USP33: variants seen among roughly 807,000 people sequenced by gnomAD.
USP33 encodes ubiquitin carboxyl-terminal hydrolase 33.
In USP33, 46 loss-of-function variants were observed where a neutral mutation model predicts 124.2. The ratio of observed to expected loss-of-function variants is 0.37; its 90% CI spans 0.29 to 0.47. The LOEUF (loss-of-function observed/expected upper bound fraction) is 0.47, where lower values mean the gene tolerates loss of function less well. Ranked by LOEUF, USP33 falls within the 20% of genes least tolerant of loss-of-function variation. USP33 has a pLI of 0.99. For missense variants in USP33, 851 were observed against 1,070.6 expected, an observed-to-expected ratio of 0.79 and a Z score of 2.86; for synonymous variants, 350 against 352.3, an observed-to-expected ratio of 0.99 and a Z score of 0.07.
chr1:77,739,439 G>A, intron 4 of USP33, 22 bp from the exon 5 acceptor site: 3 of 1,539,792 alleles, frequency 1.9e-6, no homozygotes, highest in Admixed American at 2.1e-5. Flanking sequence ...CACAGTAGAG[G>A]GAAAAGAGGA....
intron 21 of USP33, among the ~76,000 whole-genome samples, chr1:77,711,223 A>C (rs924151023): frequency 6.6e-6 from 1 of 152,008 alleles, no homozygotes; most frequent in Non-Finnish European, 1.5e-5. Context: ...TTGTCAATCC[A>C]TAAAAGCAAA....
At chr1:77,735,249 A>C (rs1002011944) in intron 6 of USP33, among the ~76,000 whole-genome samples, 7 of 152,230 alleles carry the variant, frequency 4.6e-5, no homozygotes, top group Non-Finnish European at 8.8e-5. Context: ...AATGACTGTT[A>C]TCTCTTCCAT....
At position 77,736,064 on chromosome 1, in the gene USP33, C is replaced by CTA; in HGVS notation, c.444_445dup (p.Arg149IlefsTer9). ...ACACAGGATTAATTTACCTCTGGCC[C>CTA]TAAGTTCATCTTCTTCATCCGCTTC... On this transcript the variant is annotated frameshift_variant, in exon 6 of 24. Transcript: ENST00000370794. LOFTEE classifies it high-confidence loss of function. The CTA allele has an allele frequency of 6.2e-7, 1 of 1,608,814 alleles. No individual in the cohort carries two copies. Among genetic ancestry groups the CTA allele is most frequent in the Non-Finnish European group, 8.5e-7 (1 of 1,177,310 alleles).
chr1:77,725,441 A>C (rs545594342), intron 11 of USP33, among the ~76,000 whole-genome samples, 181 bp downstream of exon 11: 1 of 152,338 alleles, frequency 6.6e-6, no homozygotes, highest in Admixed American at 6.5e-5. Context: ...ACTGTATGTA[A>C]AATTTTAAAA....
chr1:77,716,701 A>G (rs1293633170), intron 17 of USP33, among the ~76,000 whole-genome samples: 1 of 152,122 alleles, frequency 6.6e-6, no homozygotes, highest in Non-Finnish European at 1.5e-5. Flanking sequence ...TTTCTAATCT[A>G]ATTTACTTAA....
chr1:77,704,013 G>A (rs970959911), intron 21 of USP33, among the ~76,000 whole-genome samples: 1 of 152,056 alleles, frequency 6.6e-6, no homozygotes, highest in African/African-American at 2.4e-5. Flanking sequence ...TTCATCAGGA[G>A]GCTGATGTGG....
chr1:77,741,524 T>A (rs1461969003), intron 2 of USP33, 93 bp downstream of exon 2: 1 of 1,540,398 alleles, frequency 6.5e-7, no homozygotes, highest in East Asian at 2.3e-5. Flanking sequence ...ATTTTTAAAA[T>A]ACTGCTCATA....
intron 22 of USP33, among the ~76,000 whole-genome samples, chr1:77,700,283 TG>T (rs1206180584): frequency 6.6e-6 from 1 of 152,190 alleles, no homozygotes; most frequent in African/African-American, 2.4e-5. Context: ...CTCAGGAGGC[TG>T]AAGCAAGAGG....
rs139443489 is a variant in USP33 at position 77,741,724 on chromosome 1, C to T, written c.-27G>A. On this transcript the variant is annotated 5_prime_UTR_variant, in exon 2 of 24. Coordinates refer to ENST00000370794, the MANE Select transcript of USP33 (RefSeq NM_201624.3). The stretch of plus-strand genomic sequence containing the variant: ...TTGTTAGGAATTTTTTCCTGTTTCC[C>T]AAGACTTTCAAAATGAGGTAACACC... The T allele has an allele frequency of 7.4e-4, 1,186 of 1,601,142 alleles. No homozygotes were observed. The highest frequency in any genetic ancestry group is 9.6e-4 in the Non-Finnish European group (1,129 of 1,175,022).
Position 77,741,772 on chromosome 1 carries a change from A to C in USP33, c.-51-24T>G, listed in dbSNP as rs779575290. ...ACCTATAAGAAAAGTAACACACACA[A>C]AAAAATTAATAAATGCTTACAATGC... On this transcript the variant is annotated intron_variant, in intron 1 of 23. Transcript: ENST00000370794. 69 of 1,533,864 alleles carry C rather than the reference A, an allele frequency of 4.5e-5. No homozygotes were observed. Among genetic ancestry groups the C allele is most frequent in the Non-Finnish European group, 5.4e-5 (62 of 1,145,274 alleles).
At chr1:77,720,167 A>C in intron 15 of USP33, 1 of 118,606 alleles carries the variant, frequency 8.4e-6, no homozygotes, top group Non-Finnish European at 1.2e-5. Flanking sequence ...TCTCAAATGA[A>C]AAAAAAAAAA....
At chr1:77,741,455 C>T in intron 2 of USP33, 26 bp from the exon 3 acceptor site, 4 of 1,593,340 alleles carry the variant, frequency 2.5e-6, no homozygotes, top group Non-Finnish European at 3.4e-6. Flanking sequence ...AAAAAGACAA[C>T]ATTGGTTATA....
chr1:77,697,797 T>C lies in USP33; in HGVS notation c.2578+66A>G, dbSNP rs143151257. On this transcript the variant is annotated intron_variant, in intron 23 of 23. Transcript: ENST00000370794. ...ATAAAAAAGTACTATAGATGACTAA[T>C]GATAACATATTTCTAACAGTGACAA... The C allele has an allele frequency of 6.0e-4, 857 of 1,423,516 alleles. 5 individuals are homozygous for C. In the African/African-American group the frequency reaches 0.01, roughly 17 times the overall value. 88.2% of individuals were successfully genotyped at this position (1,423,516 alleles called of 1,614,324 possible).
chr1:77,742,923 TTTA>T (rs1000658019), intron 1 of USP33, among the ~76,000 whole-genome samples: 5 of 127,936 alleles, frequency 3.9e-5, no homozygotes, highest in Non-Finnish European at 7.2e-5. Flanking sequence ...TTATTATTTA[TTTA>T]TTTATTTATT....
At chr1:77,729,133 T>C (rs968227684) in intron 9 of USP33, among the ~76,000 whole-genome samples, 10 of 152,172 alleles carry the variant, frequency 6.6e-5, no homozygotes, top group African/African-American at 1.9e-4. Flanking sequence ...CTCAAGCTCC[T>C]GGGCTTAAGC....
intron 21 of USP33, among the ~76,000 whole-genome samples, chr1:77,705,126 A>AG (rs1438964935): frequency 3.1e-4 from 36 of 117,222 alleles, no homozygotes; most frequent in East Asian, 2.5e-3. Flanking sequence ...TTAAAAAAAA[A>AG]AGGGGGGGGG....
chr1:77,705,409 G>A (rs1674517034), intron 21 of USP33, among the ~76,000 whole-genome samples: 1 of 151,944 alleles, frequency 6.6e-6, no homozygotes, highest in Admixed American at 6.6e-5. Flanking sequence ...TGGCCAGGCT[G>A]GTCTTGAACT....
At chr1:77,730,015 CA>C in intron 8 of USP33, 77 bp from the exon 9 acceptor site, 2 of 1,282,058 alleles carry the variant, frequency 1.6e-6, no homozygotes, top group South Asian at 2.7e-5. Context: ...ACCAATAATT[CA>C]AAGTGTTAAA....
intron 22 of USP33, 115 bp from the exon 23 acceptor site, chr1:77,698,046 A>C: frequency 3.0e-5 from 22 of 743,868 alleles, no homozygotes; most frequent in Non-Finnish European, 4.4e-5. Flanking sequence ...GTTATTTCTC[A>C]GGCAAATTAT....
Sources: gnomAD v4.1 joint callset for allele counts (sites outside exome capture counted in the v4.1 genomes callset) on GRCh38, gnomAD v4.1.1 for gene constraint, MANE v1.5 for transcripts, NCBI Gene and HGNC (gene_info 2026-07-23, HGNC 2026-07-21) for gene names.